MACROD2: variants seen among roughly 807,000 people sequenced by gnomAD.
MACROD2 encodes the protein mono-ADP ribosylhydrolase 2.
Under a neutral mutation model 70.4 loss-of-function variants are expected in MACROD2, and 36 were observed. The observed-to-expected ratio is 0.51, with a 90% confidence interval of 0.39 to 0.68. The LOEUF is 0.68. Ranked by LOEUF, MACROD2 falls within the 30% of genes least tolerant of loss-of-function variation. The pLI is 0.00. For synonymous variants in MACROD2, 172 were observed against 178.8 expected (o/e 0.96, Z 0.30); for missense variants, 496 against 538.4 (o/e 0.92, Z 0.78).
chr20:15,478,552 TC>T (rs2047053037), intron 7 of MACROD2, among the ~76,000 whole-genome samples: 2 of 50,054 alleles, frequency 4.0e-5, no homozygotes, highest in African/African-American at 2.3e-4. Context: ...TGTGTGTGTG[TC>T]TGTGTGTGTG....
At chr20:15,199,316 CAAT>C (rs2076635215) in intron 5 of MACROD2, among the ~76,000 whole-genome samples, 1 of 151,994 alleles carries the variant, frequency 6.6e-6, no homozygotes, top group Non-Finnish European at 1.5e-5. Flanking sequence ...GTGATCGCAC[CAAT>C]GCACTCCAGC....
At chr20:15,989,514 A>T (rs1007927388) in intron 15 of MACROD2, among the ~76,000 whole-genome samples, 3 of 152,174 alleles carry the variant, frequency 2.0e-5, no homozygotes, top group East Asian at 1.9e-4. Context: ...CTATTTTTTT[A>T]AAAAAGAAAC....
chr20:15,150,686 T>C (rs1402927316), intron 5 of MACROD2, among the ~76,000 whole-genome samples: 2 of 151,600 alleles, frequency 1.3e-5, no homozygotes, highest in African/African-American at 4.9e-5. Context: ...GGTGGGGGGA[T>C]ACAAGAGGAG....
chr20:15,308,045 C>T (rs113243054), intron 6 of MACROD2, among the ~76,000 whole-genome samples: 21 of 152,206 alleles, frequency 1.4e-4, no homozygotes, highest in African/African-American at 5.1e-4. Flanking sequence ...CATCAGGAGG[C>T]AGGCAATGGA....
intron 3 of MACROD2, among the ~76,000 whole-genome samples, chr20:14,277,784 G>A (rs2082272478): frequency 6.6e-6 from 1 of 152,092 alleles, no homozygotes; most frequent in Non-Finnish European, 1.5e-5. Flanking sequence ...GAGGAGGAGA[G>A]GATTAAAATG....
rs564493765 is a variant in MACROD2, at chr20:14,006,739, A to C, written c.163+4335A>C. On this transcript the variant is annotated intron_variant, in intron 2 of 17. Coordinates refer to ENST00000684519, the MANE Select transcript of MACROD2 (RefSeq NM_001351661.2). ...TGTCCTTTTTTCCTTCCTCCCTTAT[A>C]ATTTATTTGTTGAATACACTAGGCT... is the stretch of plus-strand genomic sequence containing the variant. Among the ~76,000 whole-genome samples the C allele has an allele frequency of 4.0e-5, 6 of 151,186 alleles. No individual in the cohort carries two copies. In the South Asian group the frequency reaches 1.3e-3, roughly 32 times the overall value.
intron 5 of MACROD2, among the ~76,000 whole-genome samples, chr20:15,025,555 G>A (rs2075223880): frequency 9.6e-6 from 1 of 104,526 alleles, no homozygotes; most frequent in Non-Finnish European, 2.1e-5. Flanking sequence ...AGGGGCTCCT[G>A]ATACACCAGC....
intron 5 of MACROD2, among the ~76,000 whole-genome samples, chr20:15,113,945 A>G (rs1462422324): frequency 3.3e-5 from 5 of 152,168 alleles, no homozygotes; most frequent in Non-Finnish European, 5.9e-5. Context: ...GACTGCTAGT[A>G]TAATTCCCAG....
intron 6 of MACROD2, among the ~76,000 whole-genome samples, chr20:15,366,872 A>G (rs928364796): frequency 2.0e-5 from 3 of 152,056 alleles, no homozygotes; most frequent in African/African-American, 4.8e-5. Context: ...TTTTGAATAT[A>G]GCATTATTAT....
At chr20:15,998,855 C>T (rs2066669886) in intron 15 of MACROD2, among the ~76,000 whole-genome samples, 1 of 152,110 alleles carries the variant, frequency 6.6e-6, no homozygotes, top group Admixed American at 6.5e-5. Context: ...TGAGCCACCA[C>T]ACCCAGCTGA....
At chr20:14,412,852 G>A (rs911655074) in intron 3 of MACROD2, among the ~76,000 whole-genome samples, 10 of 152,186 alleles carry the variant, frequency 6.6e-5, no homozygotes, top group African/African-American at 1.9e-4. Flanking sequence ...TAAGTAAGTT[G>A]AATCTCAGGC....
chr20:15,389,778 A>T (rs1426991023), intron 6 of MACROD2, among the ~76,000 whole-genome samples: 2 of 152,230 alleles, frequency 1.3e-5, no homozygotes, highest in African/African-American at 4.8e-5. Flanking sequence ...CCAAGGCAAG[A>T]TGAAGCAATA....
At chr20:15,470,909 C>G (rs894569485) in intron 7 of MACROD2, among the ~76,000 whole-genome samples, 1 of 152,174 alleles carries the variant, frequency 6.6e-6, no homozygotes, top group African/African-American at 2.4e-5. Context: ...TGCCTTCTCT[C>G]AGTCCTTGGC....
intron 6 of MACROD2, among the ~76,000 whole-genome samples, chr20:15,345,126 T>C (rs1172806840): frequency 1.3e-5 from 2 of 152,218 alleles, no homozygotes; most frequent in Non-Finnish European, 2.9e-5. Context: ...AGCTCTATCC[T>C]TATGGCCTTG....
intron 5 of MACROD2, among the ~76,000 whole-genome samples, chr20:14,856,423 A>T (rs1439867999): frequency 6.6e-6 from 1 of 152,208 alleles, no homozygotes; most frequent in African/African-American, 2.4e-5. Flanking sequence ...AAGCTATCTG[A>T]GCATTTAGCT....
intron 8 of MACROD2, among the ~76,000 whole-genome samples, chr20:15,594,608 C>T (rs458294): frequency 0.79 from 119,856 of 152,132 alleles, 47,367 homozygotes; most frequent in South Asian, 0.87. Flanking sequence ...TTAATTTCTG[C>T]TTCTGTGAGA....
In MACROD2 at chr20:14,063,312, C is replaced by A. The variant is rs149149993; in HGVS notation, c.164-22309C>A. Reference sequence around the variant, plus strand: ...TTCTTTATAGGGGAATGTTTCAGGTCAATTAGAAATTCTACTTCTGTGGTC... The same window carrying A: ...TTCTTTATAGGGGAATGTTTCAGGTAAATTAGAAATTCTACTTCTGTGGTC... On this transcript the variant is annotated intron_variant, in intron 2 of 17. Transcript: ENST00000684519. Among the ~76,000 whole-genome samples, 616 of 152,244 alleles carry A rather than the reference C, an allele frequency of 4.0e-3. 2 individuals carry two copies. The highest frequency in any genetic ancestry group is 6.8e-3 in the Middle Eastern group (2 of 294).
At chr20:15,017,463 C>T (rs2075130541) in intron 5 of MACROD2, among the ~76,000 whole-genome samples, 1 of 152,162 alleles carries the variant, frequency 6.6e-6, no homozygotes, top group Non-Finnish European at 1.5e-5. Context: ...TGTGGCTTTT[C>T]CAGGTTCACA....
intron 3 of MACROD2, among the ~76,000 whole-genome samples, chr20:14,120,234 A>AAAAAAAG (rs1555922267): frequency 6.8e-6 from 1 of 147,510 alleles, no homozygotes. Flanking sequence ...AAAAAAAAAA[A>AAAAAAAG]GAAGAAGACA....
Sources: allele counts gnomAD v4.1 joint callset (sites outside exome capture counted in the v4.1 genomes callset), GRCh38; gene constraint gnomAD v4.1.1; transcripts MANE v1.5; gene names NCBI Gene and HGNC (gene_info 2026-07-23, HGNC 2026-07-21).